Variants in SEZ6L observed in about 807,000 individuals in gnomAD.
SEZ6L encodes the protein seizure related 6 homolog like, also known as seizure 6-like protein.
A neutral mutation model predicts 106.2 loss-of-function variants in SEZ6L; 37 were observed. The ratio of observed to expected loss-of-function variants is 0.35; its 90% CI spans 0.27 to 0.46. The LOEUF is 0.46. Ranked by LOEUF, SEZ6L falls within the 20% of genes least tolerant of loss-of-function variation. The probability of loss-of-function intolerance (pLI) is 1.00; values close to 1 mark genes in which losing one functional copy is unlikely to be tolerated. For synonymous variants in SEZ6L, 541 were observed against 570.4 expected (o/e 0.95, Z 0.73); for missense variants, 1,172 against 1,332.8 (o/e 0.88, Z 1.88).
chr22:26,211,936 A>C (rs1199927037), intron 1 of SEZ6L, among the ~76,000 whole-genome samples: 1 of 152,156 alleles, frequency 6.6e-6, no homozygotes, highest in Non-Finnish European at 1.5e-5. Flanking sequence ...AAATAAATCA[A>C]ATATAAATGA....
At chr22:26,331,239 CTG>C (rs753359360) in intron 9 of SEZ6L, among the ~76,000 whole-genome samples, 1 of 152,214 alleles carries the variant, frequency 6.6e-6, no homozygotes, top group Non-Finnish European at 1.5e-5. Flanking sequence ...GTTCGCTGGT[CTG>C]TGTCAGATTC....
chr22:26,259,784 T>G (rs1399133146), intron 1 of SEZ6L, among the ~76,000 whole-genome samples: 1 of 152,182 alleles, frequency 6.6e-6, no homozygotes, highest in Non-Finnish European at 1.5e-5. Context: ...AATCCTGGAA[T>G]GCCAATCATA....
intron 1 of SEZ6L, among the ~76,000 whole-genome samples, chr22:26,261,035 T>G (rs1442478065): frequency 6.6e-6 from 1 of 152,232 alleles, no homozygotes; most frequent in Non-Finnish European, 1.5e-5. Context: ...TATCTTCTTT[T>G]GAGAATTATC....
chr22:26,375,274 T>C (rs1443123062), intron 14 of SEZ6L, among the ~76,000 whole-genome samples: 1 of 152,178 alleles, frequency 6.6e-6, no homozygotes, highest in Non-Finnish European at 1.5e-5. Flanking sequence ...TCCTGTGAAT[T>C]GGACTTTAAT....
At chr22:26,169,808 G>A (rs1284426847) in intron 1 of SEZ6L, 45 bp downstream of exon 1, 1 of 1,019,788 alleles carries the variant, frequency 9.8e-7, no homozygotes, top group Non-Finnish European at 1.3e-6. Flanking sequence ...AAAGTTGCCG[G>A]GAGAGCGGGG....
intron 11 of SEZ6L, among the ~76,000 whole-genome samples, chr22:26,350,194 G>A (rs573566231): frequency 2.5e-4 from 35 of 138,744 alleles, no homozygotes; most frequent in East Asian, 1.3e-3. Flanking sequence ...GTGTGTGTGT[G>A]TATATATATA....
rs116925596 is a variant in SEZ6L at position 26,275,168 on chromosome 22, G to A, written c.95-17238G>A. Reference sequence around the variant, plus strand: ...TTTACTGCACAGCAGTATACAGATGGTCCCCAACTTACGATGGTTTGACTT... The same window carrying A: ...TTTACTGCACAGCAGTATACAGATGATCCCCAACTTACGATGGTTTGACTT... On this transcript the variant is annotated intron_variant, in intron 1 of 16. Coordinates refer to ENST00000248933, the MANE Select transcript of SEZ6L (RefSeq NM_021115.5). 7.0e-4 allele frequency among the ~76,000 whole-genome samples: 107 copies of A among 152,360 alleles called. No homozygotes were observed. In the East Asian group the frequency reaches 0.017, roughly 24 times the overall value.
chr22:26,373,645 A>C (rs750446710), intron 14 of SEZ6L, among the ~76,000 whole-genome samples, 162 bp downstream of exon 14: 2 of 152,188 alleles, frequency 1.3e-5, no homozygotes, highest in Admixed American at 1.3e-4. Context: ...GGGGAAAAAA[A>C]ATTATGGGAT....
At chr22:26,222,920 C>G (rs558231599) in intron 1 of SEZ6L, among the ~76,000 whole-genome samples, 2 of 151,954 alleles carry the variant, frequency 1.3e-5, no homozygotes, top group Middle Eastern at 3.4e-3. Context: ...TGTTTGCTAC[C>G]GGCATCTACT....
chr22:26,230,006 A>G (rs986509134), intron 1 of SEZ6L, among the ~76,000 whole-genome samples: 1 of 152,230 alleles, frequency 6.6e-6, no homozygotes, highest in Non-Finnish European at 1.5e-5. Context: ...ATGTTCGTCA[A>G]TAATCTCCTG....
chr22:26,233,700 T>C (rs1000414226), intron 1 of SEZ6L, among the ~76,000 whole-genome samples: 21 of 152,196 alleles, frequency 1.4e-4, no homozygotes, highest in African/African-American at 5.1e-4. Context: ...GGTCTGAACA[T>C]GGAACACAGA....
chr22:26,224,858 C>G (rs2078590293), intron 1 of SEZ6L, among the ~76,000 whole-genome samples: 1 of 152,114 alleles, frequency 6.6e-6, no homozygotes, highest in Non-Finnish European at 1.5e-5. Context: ...TAAGAAACTA[C>G]CCCCAACTCA....
Position 26,169,501 on chromosome 22 carries a change from C to A in SEZ6L, c.-169C>A. On this transcript the variant is annotated 5_prime_UTR_variant, in exon 1 of 17. Coordinates refer to ENST00000248933, the MANE Select transcript of SEZ6L (RefSeq NM_021115.5). ...GCCCGGCGCAGCTCGGCCAGAGCGACCGCGGGGCTGAGCGCGCGTCCGCCC... is the reference window on the plus strand; with the variant it reads ...GCCCGGCGCAGCTCGGCCAGAGCGAACGCGGGGCTGAGCGCGCGTCCGCCC... The A allele has an allele frequency of 2.8e-6, 1 of 356,198 alleles. No individual in the cohort carries two copies. The highest frequency in any genetic ancestry group is 5.0e-6 in the Non-Finnish European group (1 of 199,360). The allele number at this position is 356,198 out of a possible 1,614,324, so 22.1% of individuals were successfully genotyped here. A position where few individuals can be genotyped will look rare whatever the true frequency, so the allele number is the denominator to read the frequency against.
intron 1 of SEZ6L, among the ~76,000 whole-genome samples, chr22:26,267,576 G>A (rs2145832241): frequency 6.6e-6 from 1 of 152,286 alleles, no homozygotes; most frequent in Non-Finnish European, 1.5e-5. Context: ...AAATTATTTG[G>A]GAAACATAGC....
At chr22:26,240,534 C>G (rs1264306337) in intron 1 of SEZ6L, among the ~76,000 whole-genome samples, 1 of 152,118 alleles carries the variant, frequency 6.6e-6, no homozygotes, top group East Asian at 1.9e-4. Flanking sequence ...TCCTGACAGA[C>G]AGTGGACACA....
intron 1 of SEZ6L, among the ~76,000 whole-genome samples, chr22:26,208,850 CTGTGTGTGTGTGTGTGTGTGTG>C (rs35483380): frequency 2.8e-3 from 318 of 111,806 alleles, no homozygotes; most frequent in Non-Finnish European, 3.8e-3. Context: ...GACTCTCTCT[CTGTGTGTGTGTGTGTGTGTGTG>C]TGTGTGTGTG....
intron 1 of SEZ6L, among the ~76,000 whole-genome samples, chr22:26,174,098 A>G (rs1228962223): frequency 1.3e-5 from 2 of 152,212 alleles, no homozygotes; most frequent in Admixed American, 6.5e-5. Context: ...AGCAAGAGAC[A>G]TCTGCAGGTA....
At chr22:26,282,127 G>C (rs915243369) in intron 1 of SEZ6L, among the ~76,000 whole-genome samples, 2 of 152,214 alleles carry the variant, frequency 1.3e-5, no homozygotes, top group African/African-American at 4.8e-5. Context: ...GCAGACTCAT[G>C]AGTCAAAGGG....
rs2084383322 is a variant in SEZ6L at position 26,380,580 on chromosome 22, C to T, written c.*285C>T. 1 of 366,690 alleles carries T rather than the reference C, an allele frequency of 2.7e-6. No homozygotes were observed. The highest frequency in any genetic ancestry group is 5.0e-6 in the Non-Finnish European group (1 of 199,976). 22.7% of individuals were successfully genotyped at this position (366,690 alleles called of 1,614,324 possible). A position where few individuals can be genotyped will look rare whatever the true frequency, so the allele number is the denominator to read the frequency against. ...ATGGCAAACCGCGGCAGCAAAAACACAAAACAGCAGATGGAGTTTCTCCCA... is the reference window on the plus strand; with the variant it reads ...ATGGCAAACCGCGGCAGCAAAAACATAAAACAGCAGATGGAGTTTCTCCCA... On this transcript the variant is annotated 3_prime_UTR_variant, in exon 17 of 17. Transcript: ENST00000248933.
Sources: gnomAD v4.1 joint callset for allele counts (sites outside exome capture counted in the v4.1 genomes callset) on GRCh38, gnomAD v4.1.1 for gene constraint, MANE v1.5 for transcripts, NCBI Gene and HGNC (gene_info 2026-07-23, HGNC 2026-07-21) for gene names.